Variants in ZFAND1 observed in about 807,000 individuals in gnomAD.
ZFAND1 encodes AN1-type zinc finger protein 1.
A neutral mutation model predicts 38.5 loss-of-function variants in ZFAND1; 40 were observed. That is an observed-to-expected ratio of 1.04 (90% CI 0.81 to 1.35). The LOEUF is 1.35. Ranked by LOEUF, ZFAND1 falls within the 40% of genes most tolerant of loss-of-function variation. The pLI, the probability that ZFAND1 is intolerant of heterozygous loss-of-function variation, is 0.00. For synonymous variants in ZFAND1, 117 were observed against 103.6 expected (o/e 1.13, Z -0.78); for missense variants, 346 against 316.3 (o/e 1.09, Z -0.71).
rs144638327 is a variant in ZFAND1 at position 81,706,498 on chromosome 8, C to T, written c.481-3374G>A. 3.8e-3 allele frequency among the ~76,000 whole-genome samples: 575 copies of T among 150,966 alleles called. 4 individuals are homozygous for T. The highest frequency in any genetic ancestry group is 0.013 in the African/African-American group (543 of 41,176). ...TCAACTGGATAAAGCCTTTCAAGCT[C>T]GTATTCAGGAGGATATAATACCAAC... On this transcript the variant is annotated intron_variant, in intron 6 of 7. Coordinates refer to ENST00000220669, the MANE Select transcript of ZFAND1 (RefSeq NM_024699.3).
At chr8:81,717,151 T>C (rs1030416733) in intron 3 of ZFAND1, 98 bp downstream of exon 3, 4 of 1,022,842 alleles carry the variant, frequency 3.9e-6, no homozygotes, top group African/African-American at 3.4e-5. Flanking sequence ...TGCCAAACTT[T>C]AATCTGTGAT....
At chr8:81,713,661 T>C (rs1808210006) in intron 6 of ZFAND1, among the ~76,000 whole-genome samples, 1 of 151,956 alleles carries the variant, frequency 6.6e-6, no homozygotes, top group Non-Finnish European at 1.5e-5. Context: ...AATCTCAGCA[T>C]GGATAAACAT....
At chr8:81,708,945 C>T (rs1027648625) in intron 6 of ZFAND1, 18 of 307,110 alleles carry the variant, frequency 5.9e-5, no homozygotes, top group African/African-American at 3.2e-4. Context: ...AAATTTGATT[C>T]GAAATGTGAA....
intron 3 of ZFAND1, among the ~76,000 whole-genome samples, chr8:81,716,873 G>A (rs1442608374): frequency 6.6e-6 from 1 of 152,076 alleles, no homozygotes; most frequent in Non-Finnish European, 1.5e-5. Context: ...CTTGAACCCC[G>A]GAGGCGGAGG....
chr8:81,716,065 G>T (rs746356926), intron 3 of ZFAND1, among the ~76,000 whole-genome samples: 2 of 152,170 alleles, frequency 1.3e-5, no homozygotes, highest in African/African-American at 2.4e-5. Flanking sequence ...ACTTCAAAGG[G>T]TCAGATTTTG....
chr8:81,705,276 A>G (rs1807942951), intron 6 of ZFAND1, among the ~76,000 whole-genome samples: 1 of 152,200 alleles, frequency 6.6e-6, no homozygotes, highest in Non-Finnish European at 1.5e-5. Context: ...CCTCCTATTC[A>G]AGATGAACAT....
intron 3 of ZFAND1, among the ~76,000 whole-genome samples, chr8:81,716,068 A>G (rs1386531231): frequency 6.6e-6 from 1 of 152,264 alleles, no homozygotes; most frequent in Non-Finnish European, 1.5e-5. Context: ...TCAAAGGGTC[A>G]GATTTTGACT....
At position 81,715,121 on chromosome 8, in the gene ZFAND1, ATGC is replaced by A. The variant is rs1207422450; in HGVS notation, c.139-10_139-8del. On this transcript the variant is annotated splice_polypyrimidine_tract_variant and splice_region_variant and intron_variant, in intron 3 of 7. Transcript: ENST00000220669. ...TCTCATTGATTACAGTCACCTGAAA[ATGC>A]AAAAAGGAGGAAATGTATTACATTT... 6.2e-7 allele frequency: 1 copy of A among 1,613,154 alleles called. No homozygotes were observed. Among genetic ancestry groups the A allele is most frequent in the Admixed American group, 1.7e-5 (1 of 59,982 alleles).
At position 81,717,288 on chromosome 8, in the gene ZFAND1, G is replaced by C; in HGVS notation, c.99C>G (p.Cys33Trp). The C allele has an allele frequency of 6.6e-7, 1 of 1,523,526 alleles. No homozygotes were observed. The highest frequency in any genetic ancestry group is 8.7e-7 in the Non-Finnish European group (1 of 1,145,640). 94.4% of individuals were successfully genotyped at this position (1,523,526 alleles called of 1,614,324 possible). A position where few individuals can be genotyped will look rare whatever the true frequency, so the allele number is the denominator to read the frequency against. Residue 33 changes from cysteine (C) to tryptophan (W), a missense_variant and splice_region_variant, in exon 3 of 8, where the codon TGC becomes TGG. Physicochemically the swap from Cys to Trp is radical, Grantham distance 215. Coordinates refer to ENST00000220669, the MANE Select transcript of ZFAND1 (RefSeq NM_024699.3). ...FVCDDCSGIF[C>W]LEHRSRESHG... ...GAGACTCCCTGCTTCTGTGTTCAAG[G>C]CTTAAATAATAATAGCAAGTGTTTA...
At chr8:81,713,503 A>G (rs1808205625) in intron 6 of ZFAND1, among the ~76,000 whole-genome samples, 1 of 152,196 alleles carries the variant, frequency 6.6e-6, no homozygotes, top group African/African-American at 2.4e-5. Context: ...ATGTATATAT[A>G]TATATTGGGT....
At position 81,714,877 on chromosome 8, in the gene ZFAND1, A is replaced by G; in HGVS notation, c.285T>C (p.Asp95=). The stretch of plus-strand genomic sequence containing the variant: ...GGATTTCCAGTTTTTCACACTCATG[A>G]TCTGACTGATGACGGTGTCTATGAG... ...NFCLRHRHQS[D]HECEKLEIPK... Residue 95 remains aspartate, a synonymous_variant, in exon 5 of 8, where the codon GAT becomes GAC. Coordinates refer to ENST00000220669, the MANE Select transcript of ZFAND1 (RefSeq NM_024699.3). The G allele has an allele frequency of 6.2e-7, 1 of 1,614,072 alleles. No individual in the cohort carries two copies. The highest frequency in any genetic ancestry group is 8.5e-7 in the Non-Finnish European group (1 of 1,179,932).
At chr8:81,703,486 C>T (rs943044854) in intron 6 of ZFAND1, among the ~76,000 whole-genome samples, 4 of 152,310 alleles carry the variant, frequency 2.6e-5, no homozygotes, top group African/African-American at 4.8e-5. Flanking sequence ...TGCAATGGCA[C>T]GTTCTTGGCT....
chr8:81,716,901 C>T (rs767957767), intron 3 of ZFAND1, among the ~76,000 whole-genome samples: 2 of 151,872 alleles, frequency 1.3e-5, no homozygotes, highest in Non-Finnish European at 2.9e-5. Flanking sequence ...GAGCCGAGAT[C>T]GTACCACTGC....
rs369579868 is a variant in ZFAND1, at chr8:81,714,890, C to T, written c.272G>A (p.Arg91His). Reference protein sequence around the residue: ...YCEKNFCLRHRHQSDHECEKL... With the variant: ...YCEKNFCLRHHHQSDHECEKL... ...TTCACACTCATGATCTGACTGATGACGGTGTCTATGAGCAACAGAAGAGTG... is the reference window on the plus strand; with the variant it reads ...TTCACACTCATGATCTGACTGATGATGGTGTCTATGAGCAACAGAAGAGTG... Residue 91 changes from arginine (R) to histidine (H), a missense_variant, in exon 5 of 8, where the codon CGT (arginine) becomes CAT (histidine). Coordinates refer to ENST00000220669, the MANE Select transcript of ZFAND1 (RefSeq NM_024699.3). 54 of 1,613,854 alleles carry T rather than the reference C, an allele frequency of 3.3e-5. No homozygotes were observed. The highest frequency in any genetic ancestry group is 4.0e-5 in the African/African-American group (3 of 74,864).
chr8:81,719,739 A>G (rs1246958653), intron 1 of ZFAND1, among the ~76,000 whole-genome samples: 2 of 152,188 alleles, frequency 1.3e-5, no homozygotes, highest in African/African-American at 4.8e-5. Context: ...ACTGCTTTCC[A>G]CTAGTCCCAA....
At position 81,702,833 on chromosome 8, in the gene ZFAND1, T is replaced by C; in HGVS notation, c.669A>G (p.Glu223=). The change falls in exon 8 of 8, where the codon GAA becomes GAG. Residue 223 remains glutamate, a synonymous_variant. Transcript: ENST00000220669. ...CCAAAGTATGATCCAAGGGTAAGGC[T>C]TCTCCTGAAGTAATGTGACACAGCC... ...KLRLCHITSG[E]ALPLDHTLET... is the part of the protein sequence containing the mutation. The C allele has an allele frequency of 6.2e-7, 1 of 1,602,986 alleles. No individual in the cohort carries two copies. The highest frequency in any genetic ancestry group is 8.5e-7 in the Non-Finnish European group (1 of 1,175,806).
intron 6 of ZFAND1, among the ~76,000 whole-genome samples, chr8:81,712,225 TAGAA>T (rs1458347440): frequency 9.2e-5 from 14 of 152,116 alleles, no homozygotes. Flanking sequence ...AAATTAGGAA[TAGAA>T]AGAAATAATA....
At chr8:81,713,059 T>C (rs1373702417) in intron 6 of ZFAND1, among the ~76,000 whole-genome samples, 1 of 152,196 alleles carries the variant, frequency 6.6e-6, no homozygotes, top group Non-Finnish European at 1.5e-5. Flanking sequence ...TCTCAATCCA[T>C]TAGGGATTGG....
At position 81,714,851 on chromosome 8, in the gene ZFAND1, G is replaced by A; in HGVS notation, c.311C>T (p.Pro104Leu). The change falls in exon 5 of 8, where the codon CCA (proline) becomes CTA (leucine). Residue 104 changes from proline (P) to leucine (L), a missense_variant. Physicochemically the swap from Pro to Leu is moderately conservative, Grantham distance 98. Coordinates refer to ENST00000220669, the MANE Select transcript of ZFAND1 (RefSeq NM_024699.3). ...SDHECEKLEI[P>L]KPRMAATQKL... ...CTGAGTGGCAGCCATTCGAGGCTTTGGGATTTCCAGTTTTTCACACTCATG... is the reference window on the plus strand; with the variant it reads ...CTGAGTGGCAGCCATTCGAGGCTTTAGGATTTCCAGTTTTTCACACTCATG... 1 of 1,614,016 alleles carries A rather than the reference G, an allele frequency of 6.2e-7. No individual in the cohort carries two copies. The highest frequency in any genetic ancestry group is 8.5e-7 in the Non-Finnish European group (1 of 1,179,934).
Sources: gnomAD v4.1 joint callset for allele counts (sites outside exome capture counted in the v4.1 genomes callset) on GRCh38, gnomAD v4.1.1 for gene constraint, MANE v1.5 for transcripts, NCBI Gene and HGNC (gene_info 2026-07-23, HGNC 2026-07-21) for gene names.